KCNH8: variants seen among roughly 807,000 people sequenced by gnomAD.
KCNH8 encodes potassium voltage-gated channel subfamily H member 8, also known as voltage-gated delayed rectifier potassium channel KCNH8.
Under a neutral mutation model 103.6 loss-of-function variants are expected in KCNH8, and 70 were observed. The ratio of observed to expected loss-of-function variants is 0.68; its 90% CI spans 0.56 to 0.82. The LOEUF is 0.82. Among genes scored for constraint, KCNH8 ranks in the 40% least tolerant of loss-of-function variants. The pLI is 0.00. For missense variants in KCNH8, 1,217 were observed against 1,329.9 expected, an observed-to-expected ratio of 0.92 and a Z score of 1.32; for synonymous variants, 498 against 489.4, an observed-to-expected ratio of 1.02 and a Z score of -0.23.
chr3:19,229,615 T>A (rs1463225152), intron 1 of KCNH8, among the ~76,000 whole-genome samples: 2 of 152,196 alleles, frequency 1.3e-5, no homozygotes, highest in Admixed American at 6.5e-5. Flanking sequence ...AAGAAACATT[T>A]TCTCCTAGGC....
chr3:19,371,145 A>G (rs1441626345), intron 5 of KCNH8, among the ~76,000 whole-genome samples: 2 of 150,816 alleles, frequency 1.3e-5, no homozygotes, highest in Middle Eastern at 3.4e-3. Context: ...TGGCTGGGTC[A>G]AATGGTATTT....
intron 1 of KCNH8, among the ~76,000 whole-genome samples, chr3:19,208,034 A>T (rs950146338): frequency 2.0e-5 from 3 of 152,038 alleles, no homozygotes; most frequent in African/African-American, 7.2e-5. Context: ...TTAAAATAAG[A>T]TGTTAATTTC....
At chr3:19,331,600 T>G (rs1410570200) in intron 3 of KCNH8, among the ~76,000 whole-genome samples, 1 of 152,136 alleles carries the variant, frequency 6.6e-6, no homozygotes, top group Admixed American at 6.6e-5. Context: ...CAATTATTTT[T>G]AATTTTTATG....
At chr3:19,497,499 G>A (rs559530670) in intron 11 of KCNH8, among the ~76,000 whole-genome samples, 154 of 151,826 alleles carry the variant, frequency 1.0e-3, no homozygotes, top group African/African-American at 3.5e-3. Context: ...GTTTATTTAC[G>A]TAAAACTCAC....
chr3:19,453,249 C>T (rs998080137), intron 10 of KCNH8, among the ~76,000 whole-genome samples: 16 of 152,030 alleles, frequency 1.1e-4, no homozygotes, highest in Non-Finnish European at 2.1e-4. Flanking sequence ...AATTAATATA[C>T]AATGTACACC....
chr3:19,483,708 G>A (rs1489957420), intron 11 of KCNH8, among the ~76,000 whole-genome samples: 3 of 152,122 alleles, frequency 2.0e-5, no homozygotes, highest in African/African-American at 4.8e-5. Context: ...TCAGGAGAGC[G>A]TTTGTAAACT....
chr3:19,275,727 C>T (rs543259323), intron 2 of KCNH8, among the ~76,000 whole-genome samples: 2 of 152,170 alleles, frequency 1.3e-5, no homozygotes, highest in South Asian at 2.1e-4. Flanking sequence ...GGGAACATTC[C>T]CCTCCTTTTT....
chr3:19,398,158 T>TAA (rs1352254671), intron 7 of KCNH8, among the ~76,000 whole-genome samples: 1 of 151,998 alleles, frequency 6.6e-6, no homozygotes, highest in African/African-American at 2.4e-5. Context: ...TAAAATGAGA[T>TAA]ATTTAAGTGC....
At chr3:19,497,221 T>C (rs775064721) in intron 11 of KCNH8, among the ~76,000 whole-genome samples, 1 of 152,170 alleles carries the variant, frequency 6.6e-6, no homozygotes, top group Non-Finnish European at 1.5e-5. Context: ...ATCTTTTGTA[T>C]GATTTTTCAT....
intron 1 of KCNH8, among the ~76,000 whole-genome samples, chr3:19,246,024 C>T (rs1015244342): frequency 1.3e-5 from 2 of 152,058 alleles, no homozygotes; most frequent in Admixed American, 6.6e-5. Flanking sequence ...CACTAAAGCT[C>T]ATATAGGTGG....
At chr3:19,503,427 G>T (rs1316402098) in intron 11 of KCNH8, among the ~76,000 whole-genome samples, 1 of 152,044 alleles carries the variant, frequency 6.6e-6, no homozygotes, top group African/African-American at 2.4e-5. Context: ...CCCATTACTG[G>T]ATATATACCC....
chr3:19,205,310 A>G (rs2125220774), intron 1 of KCNH8, among the ~76,000 whole-genome samples: 1 of 152,194 alleles, frequency 6.6e-6, no homozygotes, highest in East Asian at 1.9e-4. Flanking sequence ...CAATATAGCT[A>G]GATTTCTGCT....
intron 1 of KCNH8, among the ~76,000 whole-genome samples, chr3:19,248,804 G>A (rs533036373): frequency 1.1e-4 from 17 of 152,006 alleles, no homozygotes; most frequent in South Asian, 4.2e-4. Context: ...ATTCCTACCC[G>A]CATTCTCTTT....
chr3:19,453,684 A>C (rs1261616990), intron 10 of KCNH8, among the ~76,000 whole-genome samples: 2 of 152,166 alleles, frequency 1.3e-5, no homozygotes, highest in Non-Finnish European at 2.9e-5. Flanking sequence ...TCTTTATAGT[A>C]GAGGCTCAAG....
At chr3:19,488,574 A>G (rs892347354) in intron 11 of KCNH8, among the ~76,000 whole-genome samples, 1 of 152,320 alleles carries the variant, frequency 6.6e-6, no homozygotes, top group South Asian at 2.1e-4. Flanking sequence ...AGTCTTTCAT[A>G]GAATTGTGCT....
intron 1 of KCNH8, among the ~76,000 whole-genome samples, chr3:19,170,810 A>ATATATTT (rs1553620146): frequency 2.7e-5 from 2 of 75,358 alleles, no homozygotes; most frequent in African/African-American, 1.0e-4. Context: ...ATATATATAT[A>ATATATTT]TTTTTTTTTT....
intron 1 of KCNH8, among the ~76,000 whole-genome samples, chr3:19,227,603 C>G (rs941372849): frequency 6.6e-6 from 1 of 152,204 alleles, no homozygotes; most frequent in Non-Finnish European, 1.5e-5. Context: ...TAAGACATAT[C>G]AGCTACCTAT....
intron 1 of KCNH8, among the ~76,000 whole-genome samples, chr3:19,201,621 GA>G (rs1453564021): frequency 6.6e-6 from 1 of 152,078 alleles, no homozygotes; most frequent in East Asian, 1.9e-4. Context: ...TGACCTTAAT[GA>G]ATGCCCTATT....
intron 11 of KCNH8, among the ~76,000 whole-genome samples, chr3:19,462,621 G>A (rs905572379): frequency 6.3e-4 from 96 of 152,178 alleles, no homozygotes; most frequent in African/African-American, 2.2e-3. Context: ...AGTTTCTTTT[G>A]CTGTGCAGAA....
Sources: gnomAD v4.1 joint callset for allele counts (sites outside exome capture counted in the v4.1 genomes callset) on GRCh38, gnomAD v4.1.1 for gene constraint, MANE v1.5 for transcripts, NCBI Gene and HGNC (gene_info 2026-07-23, HGNC 2026-07-21) for gene names.